IL1RAPL1: variants seen among roughly 807,000 people sequenced by gnomAD.
The protein encoded by IL1RAPL1 is interleukin-1 receptor accessory protein-like 1.
A neutral mutation model predicts 48.4 loss-of-function variants in IL1RAPL1; 3 were observed. That is an observed-to-expected ratio of 0.06 (90% confidence interval 0.03 to 0.16). The LOEUF is 0.16. Ranked by LOEUF, IL1RAPL1 falls within the 10% of genes least tolerant of loss-of-function variation. The pLI is 1.00. For synonymous variants in IL1RAPL1, 185 were observed against 187.7 expected (o/e 0.99, Z 0.12); for missense variants, 349 against 530.6 (o/e 0.66, Z 3.36).
chrX:29,752,495 CAA>C (rs10682605), intron 6 of IL1RAPL1, among the ~76,000 whole-genome samples: 8 of 52,746 alleles, frequency 1.5e-4, no homozygotes, highest in Non-Finnish European at 1.0e-4. Flanking sequence ...GACTTTGTCT[CAA>C]AAAAAAAAAA....
intron 1 of IL1RAPL1, among the ~76,000 whole-genome samples, chrX:28,695,487 G>A (rs1466152974): frequency 9.0e-6 from 1 of 111,667 alleles, no homozygotes; most frequent in African/African-American, 3.2e-5. Context: ...TGTTAACTTT[G>A]CACTGTAAGT....
chrX:29,461,707 C>T (rs961188192), intron 5 of IL1RAPL1, among the ~76,000 whole-genome samples: 1 of 111,943 alleles, frequency 8.9e-6, no homozygotes, highest in Admixed American at 9.5e-5. Context: ...CTGATATATG[C>T]AAAGACATGG....
intron 2 of IL1RAPL1, among the ~76,000 whole-genome samples, chrX:28,805,176 AAAAG>A (rs1169542893): frequency 9.0e-6 from 1 of 111,027 alleles, no homozygotes; most frequent in Non-Finnish European, 1.9e-5. Flanking sequence ...CAGCAGGAAT[AAAAG>A]AAAGAGAGAT....
chrX:29,908,162 T>C (rs1932681271), intron 6 of IL1RAPL1, among the ~76,000 whole-genome samples: 1 of 110,969 alleles, frequency 9.0e-6, no homozygotes, highest in Non-Finnish European at 1.9e-5. Flanking sequence ...TTCTTCTGAA[T>C]TGCCTTCATC....
intron 5 of IL1RAPL1, among the ~76,000 whole-genome samples, chrX:29,505,615 TG>T (rs1350843932): frequency 9.0e-6 from 1 of 111,003 alleles, no homozygotes; most frequent in Admixed American, 9.6e-5. Flanking sequence ...CTTATGAACT[TG>T]GAACTCCTTT....
Position 29,801,018 on chromosome X carries a change from A to C in IL1RAPL1, c.779-116446A>C, listed in dbSNP as rs7884244. On this transcript the variant is annotated intron_variant, in intron 6 of 10. Coordinates refer to ENST00000378993, the MANE Select transcript of IL1RAPL1 (RefSeq NM_014271.4). ...TCCGTCTCAAAAAAAAAAAAAAAAAAAAAAAAAAAAAAAAAACTCTCCGTC... is the reference window on the plus strand; with the variant it reads ...TCCGTCTCAAAAAAAAAAAAAAAAACAAAAAAAAAAAAAAAACTCTCCGTC... Among the ~76,000 whole-genome samples, 329 of 45,764 alleles carry C rather than the reference A, an allele frequency of 7.2e-3. 6 individuals are homozygous for C. The highest frequency in any genetic ancestry group is 0.011 in the Non-Finnish European group (241 of 22,801). 39.7% of individuals were successfully genotyped at this position (45,764 alleles called of 115,157 possible). A position where few individuals can be genotyped will look rare whatever the true frequency, so the allele number is the denominator to read the frequency against.
chrX:29,144,390 G>A (rs1929304347), intron 2 of IL1RAPL1, among the ~76,000 whole-genome samples: 1 of 108,897 alleles, frequency 9.2e-6, no homozygotes, highest in Non-Finnish European at 1.9e-5. Flanking sequence ...ATCACCTGAG[G>A]TCAGGAGTTC....
intron 2 of IL1RAPL1, among the ~76,000 whole-genome samples, chrX:29,196,983 C>G (rs1438540821): frequency 9.1e-6 from 1 of 110,368 alleles, no homozygotes; most frequent in East Asian, 2.8e-4. Context: ...CAGTCCTGCT[C>G]AAACCCAACT....
intron 2 of IL1RAPL1, among the ~76,000 whole-genome samples, chrX:29,088,663 A>C: frequency 1.2e-5 from 1 of 82,670 alleles, no homozygotes; most frequent in African/African-American, 4.9e-5. Context: ...CAAGAGTGAC[A>C]CTCCTTCTCA....
chrX:29,938,363 C>T (rs898207116), intron 8 of IL1RAPL1, among the ~76,000 whole-genome samples: 2 of 111,280 alleles, frequency 1.8e-5, no homozygotes, highest in African/African-American at 6.5e-5. Context: ...CAAAGCTCCT[C>T]GACTATCTAT....
At chrX:28,767,667 A>ATG (rs781577536) in intron 1 of IL1RAPL1, among the ~76,000 whole-genome samples, 17 of 110,315 alleles carry the variant, frequency 1.5e-4, no homozygotes, top group Non-Finnish European at 1.5e-4. Context: ...TTATATATAT[A>ATG]TTTGAAATCC....
intron 5 of IL1RAPL1, among the ~76,000 whole-genome samples, chrX:29,667,335 T>G (rs1409717081): frequency 1.8e-5 from 2 of 112,284 alleles, no homozygotes; most frequent in South Asian, 7.4e-4. Context: ...TGCTAAAGCT[T>G]GAATTCTTGA....
At chrX:28,929,356 ATT>A (rs761437758) in intron 2 of IL1RAPL1, among the ~76,000 whole-genome samples, 1 of 112,123 alleles carries the variant, frequency 8.9e-6, no homozygotes, top group South Asian at 3.7e-4. Flanking sequence ...TGACAGATAC[ATT>A]GTTATTCTGT....
intron 6 of IL1RAPL1, among the ~76,000 whole-genome samples, chrX:29,721,284 C>T (rs1205523932): frequency 9.0e-6 from 1 of 111,523 alleles, no homozygotes; most frequent in Non-Finnish European, 1.9e-5. Context: ...TCCTATATGG[C>T]AACAAGCTAG....
At position 29,251,530 on chromosome X, in the gene IL1RAPL1, C is replaced by T. The variant is rs1931619144; in HGVS notation, c.83-31408C>T. 6.3e-5 allele frequency among the ~76,000 whole-genome samples: 7 copies of T among 111,278 alleles called. No homozygotes were observed. The South Asian group carries it at 2.6e-3, about 42-fold the overall frequency. On this transcript the variant is annotated intron_variant, in intron 2 of 10. Transcript: ENST00000378993. The stretch of plus-strand genomic sequence containing the variant: ...ATTCACATCCATATACATCTGTCTA[C>T]ATAGATATAGATTATAATGTTATAT...
At chrX:28,879,190 A>G (rs1311589762) in intron 2 of IL1RAPL1, among the ~76,000 whole-genome samples, 1 of 111,684 alleles carries the variant, frequency 9.0e-6, no homozygotes, top group Non-Finnish European at 1.9e-5. Context: ...ATTAACCATG[A>G]AATCTAAAAA....
chrX:29,853,655 T>C lies in IL1RAPL1; in HGVS notation c.779-63809T>C, dbSNP rs183591551. ...ATAAGCATAACATTTATTAAATCGA[T>C]TTAGAAGCAACTTGATTATAAATCT... On this transcript the variant is annotated intron_variant, in intron 6 of 10. Transcript: ENST00000378993. 4.5e-5 allele frequency among the ~76,000 whole-genome samples: 5 copies of C among 112,016 alleles called. No homozygotes were observed. In the East Asian group the frequency reaches 1.4e-3, roughly 31 times the overall value.
At chrX:29,304,713 A>G (rs1438756577) in intron 3 of IL1RAPL1, among the ~76,000 whole-genome samples, 1 of 112,655 alleles carries the variant, frequency 8.9e-6, no homozygotes, top group African/African-American at 3.2e-5. Flanking sequence ...AATTTTTTCT[A>G]CACTTGAAAA....
At chrX:29,332,611 TA>T (rs1183911871) in intron 3 of IL1RAPL1, among the ~76,000 whole-genome samples, 15 of 18,852 alleles carry the variant, frequency 8.0e-4, no homozygotes, top group Non-Finnish European at 9.9e-4. Context: ...GCCCATATTT[TA>T]TTTATTTATT....
Sources: allele counts gnomAD v4.1 joint callset (sites outside exome capture counted in the v4.1 genomes callset), GRCh38; gene constraint gnomAD v4.1.1; transcripts MANE v1.5; gene names NCBI Gene and HGNC (gene_info 2026-07-23, HGNC 2026-07-21).